Variants in NPHP1 observed in about 807,000 individuals in gnomAD.
NPHP1 encodes the protein nephrocystin 1.
Under a neutral mutation model 90.4 loss-of-function variants are expected in NPHP1, and 70 were observed. The ratio of observed to expected loss-of-function variants is 0.77; its 90% CI spans 0.64 to 0.95. The LOEUF is 0.95. Ranked by LOEUF, NPHP1 falls within the 40% of genes least tolerant of loss-of-function variation. The pLI, the probability that NPHP1 is intolerant of heterozygous loss-of-function variation, is 0.00. For synonymous variants in NPHP1, 256 were observed against 271.7 expected (o/e 0.94, Z 0.57); for missense variants, 764 against 795.9 (o/e 0.96, Z 0.48).
chr2:110,201,615 A>T (rs969256606), intron 1 of NPHP1, 121 bp from the exon 2 acceptor site: 6 of 725,196 alleles, frequency 8.3e-6, no homozygotes, highest in Non-Finnish European at 1.1e-5. Context: ...AGTTTTAAAA[A>T]TTTTACAGTG....
intron 14 of NPHP1, among the ~76,000 whole-genome samples, chr2:110,146,321 CT>C (rs1484301052): frequency 6.6e-6 from 1 of 152,170 alleles, no homozygotes; most frequent in East Asian, 1.9e-4. Flanking sequence ...GCCTTTTGAT[CT>C]TAAAGTTTAA....
At chr2:110,150,779 A>G (rs999278029) in intron 11 of NPHP1, among the ~76,000 whole-genome samples, 3 of 150,114 alleles carry the variant, frequency 2.0e-5, no homozygotes, top group African/African-American at 4.9e-5. Context: ...CGAACTCCTG[A>G]CCTGAGGTGA....
intron 16 of NPHP1, among the ~76,000 whole-genome samples, chr2:110,134,555 A>T (rs1253128318): frequency 6.6e-6 from 1 of 151,728 alleles, no homozygotes; most frequent in African/African-American, 2.4e-5. Flanking sequence ...ACTACAGGCC[A>T]ATATTCCTGA....
chr2:110,169,025 A>C (rs1427737089), intron 5 of NPHP1, among the ~76,000 whole-genome samples: 2 of 152,130 alleles, frequency 1.3e-5, no homozygotes, highest in Non-Finnish European at 2.9e-5. Context: ...CACTTAATTC[A>C]CCAGATATGT....
intron 4 of NPHP1, among the ~76,000 whole-genome samples, chr2:110,177,079 A>G (rs1196403036): frequency 6.6e-6 from 1 of 152,150 alleles, no homozygotes; most frequent in Non-Finnish European, 1.5e-5. Flanking sequence ...CCTCCACCAC[A>G]GCTCATAAAT....
At chr2:110,188,855 C>A (rs1028157373) in intron 2 of NPHP1, among the ~76,000 whole-genome samples, 1 of 152,048 alleles carries the variant, frequency 6.6e-6, no homozygotes, top group East Asian at 1.9e-4. Flanking sequence ...CACCTACAAC[C>A]ATCTGATCTT....
intron 2 of NPHP1, among the ~76,000 whole-genome samples, chr2:110,191,753 C>T (rs1365814628): frequency 6.6e-6 from 1 of 152,156 alleles, no homozygotes; most frequent in Admixed American, 6.5e-5. Context: ...TGGGAGGCAC[C>T]CCCCAGTAGG....
chr2:110,188,069 G>C (rs1195115833), intron 2 of NPHP1, among the ~76,000 whole-genome samples: 1 of 152,108 alleles, frequency 6.6e-6, no homozygotes, highest in Non-Finnish European at 1.5e-5. Flanking sequence ...ATACTGAATG[G>C]GCAAATGCTT....
chr2:110,179,825 C>A (rs1348247951), intron 2 of NPHP1, 141 bp from the exon 3 acceptor site: 3 of 520,060 alleles, frequency 5.8e-6, no homozygotes, highest in Non-Finnish European at 1.0e-5. Context: ...CATATAAATG[C>A]TTTTCCACCT....
In NPHP1 at chr2:110,158,381, TGA is replaced by T. The variant is rs766643841; in HGVS notation, c.1083+1744_1083+1745del. Reference sequence around the variant, plus strand: ...TTTCTGTCTGCTTGTCCTATATTACTGAGAGAGAAGTGTTAAACTCCCCAACT... The same window carrying T: ...TTTCTGTCTGCTTGTCCTATATTACTGAGAGAAGTGTTAAACTCCCCAACT... On this transcript the variant is annotated intron_variant, in intron 11 of 19. Transcript: ENST00000445609. Among the ~76,000 whole-genome samples the T allele has an allele frequency of 5.9e-5, 9 of 152,242 alleles. No homozygotes were observed. In the East Asian group the frequency reaches 7.7e-4, roughly 13 times the overall value.
At chr2:110,149,316 G>C (rs1360932680) in intron 12 of NPHP1, among the ~76,000 whole-genome samples, 1 of 152,048 alleles carries the variant, frequency 6.6e-6, no homozygotes, top group East Asian at 1.9e-4. Context: ...TTCTACCCCA[G>C]GAAAAACATT....
chr2:110,195,972 T>C (rs1409576535), intron 2 of NPHP1, among the ~76,000 whole-genome samples: 2 of 152,168 alleles, frequency 1.3e-5, no homozygotes, highest in African/African-American at 4.8e-5. Flanking sequence ...TGAAACTGGA[T>C]GCCTTCCTTA....
chr2:110,158,715 T>C (rs920564493), intron 11 of NPHP1, among the ~76,000 whole-genome samples: 1 of 152,016 alleles, frequency 6.6e-6, no homozygotes, highest in Admixed American at 6.5e-5. Flanking sequence ...CCTGATGACT[T>C]CTTACATGTT....
chr2:110,162,124 C>G (rs1039400151), intron 9 of NPHP1, among the ~76,000 whole-genome samples: 2 of 152,114 alleles, frequency 1.3e-5, no homozygotes, highest in Non-Finnish European at 2.9e-5. Context: ...ATCATTTATC[C>G]ATTCGAGAAA....
chr2:110,168,461 G>A lies in NPHP1; in HGVS notation c.615C>T (p.Thr205=). ...ATAAACCAAGACTAACCTCTAGGTA[G>A]GTTCTGGGAACAAGACCTTCATTTC... The part of the protein sequence containing the change: ...AKGNEGLVPR[T]YLEPYSEEEE... Residue 205 remains threonine (T), a synonymous_variant, in exon 6 of 20, where the codon ACC becomes ACT. Coordinates refer to ENST00000445609, the MANE Select transcript of NPHP1 (RefSeq NM_001128178.3). The A allele has an allele frequency of 6.2e-7, 1 of 1,607,918 alleles. No individual in the cohort carries two copies. The highest frequency in any genetic ancestry group is 8.5e-7 in the Non-Finnish European group (1 of 1,174,966).
chr2:110,160,374 C>T, intron 10 of NPHP1, 119 bp from the exon 11 acceptor site: 2 of 717,756 alleles, frequency 2.8e-6, no homozygotes, highest in South Asian at 1.9e-5. Flanking sequence ...AAAATTTACA[C>T]ATATACAATA....
At chr2:110,153,162 G>C (rs1299528389) in intron 11 of NPHP1, among the ~76,000 whole-genome samples, 1 of 152,078 alleles carries the variant, frequency 6.6e-6, no homozygotes, top group Non-Finnish European at 1.5e-5. Context: ...TGACACAATA[G>C]TTTTCAAGTG....
chr2:110,196,818 GC>G (rs1559107567), intron 2 of NPHP1, among the ~76,000 whole-genome samples: 1 of 152,132 alleles, frequency 6.6e-6, no homozygotes, highest in East Asian at 1.9e-4. Flanking sequence ...GGAATACTAT[GC>G]AGCCATAAAA....
chr2:110,190,555 G>A lies in NPHP1; in HGVS notation c.143+10866C>T, dbSNP rs951381478. 2.6e-5 allele frequency among the ~76,000 whole-genome samples: 4 copies of A among 152,276 alleles called. No homozygotes were observed. In the East Asian group the frequency reaches 5.8e-4, roughly 22 times the overall value. On this transcript the variant is annotated intron_variant, in intron 2 of 19. Coordinates refer to ENST00000445609, the MANE Select transcript of NPHP1 (RefSeq NM_001128178.3). ...GCCCACAAGCACCGTGTGCAGGCCC[G>A]GTTCCCACCCGCGCCTCTCCCTCCA...
Sources: gnomAD v4.1 joint callset for allele counts (sites outside exome capture counted in the v4.1 genomes callset) on GRCh38, gnomAD v4.1.1 for gene constraint, MANE v1.5 for transcripts, NCBI Gene and HGNC (gene_info 2026-07-23, HGNC 2026-07-21) for gene names.